NTN1: variants seen among roughly 807,000 people sequenced by gnomAD.
The protein encoded by NTN1 is netrin 1.
Under a neutral mutation model 54.2 loss-of-function variants are expected in NTN1, and 11 were observed. The ratio of observed to expected loss-of-function variants is 0.20; its 90% CI spans 0.13 to 0.34. NTN1 has a LOEUF of 0.34. Among genes scored for constraint, NTN1 ranks in the 10% least tolerant of loss-of-function variants. The pLI, the probability that NTN1 is intolerant of heterozygous loss-of-function variation, is 1.00. For synonymous variants in NTN1, 371 were observed against 382.0 expected (o/e 0.97, Z 0.33); for missense variants, 740 against 893.1 (o/e 0.83, Z 2.18).
intron 2 of NTN1, among the ~76,000 whole-genome samples, chr17:9,028,785 C>T (rs1459309660): frequency 2.6e-5 from 4 of 152,136 alleles, no homozygotes; most frequent in Admixed American, 2.0e-4. Context: ...CTTCAAATGT[C>T]CACTGGATTG....
chr17:9,049,962 G>A (rs985477516), intron 2 of NTN1, among the ~76,000 whole-genome samples: 8 of 152,086 alleles, frequency 5.3e-5, no homozygotes, highest in Non-Finnish European at 7.4e-5. Context: ...AATAATAAAT[G>A]TCGGCCAGGC....
In NTN1 at chr17:9,044,257, C is replaced by T. The variant is rs369167972; in HGVS notation, c.1018+20866C>T. Among the ~76,000 whole-genome samples the T allele has an allele frequency of 3.2e-4, 48 of 149,886 alleles. 1 individual carries two copies. The South Asian group carries it at 7.6e-3, about 24-fold the overall frequency. ...TACTTTTTTTTTTTCCTTTTTGGGG[C>T]GGAGTCTCACTCTGCGGCCCAGGCT... On this transcript the variant is annotated intron_variant, in intron 2 of 6. Transcript: ENST00000173229.
the NTN1 span, among the ~76,000 whole-genome samples, chr17:9,014,918 CACACA>C: frequency 6.6e-6 from 1 of 152,192 alleles, no homozygotes; most frequent in Non-Finnish European, 1.5e-5. Context: ...TATTTTAGTT[CACACA>C]CTGCTTCTCT....
At chr17:9,089,726 A>C (rs1030850246) in intron 2 of NTN1, among the ~76,000 whole-genome samples, 4 of 152,074 alleles carry the variant, frequency 2.6e-5, no homozygotes, top group Admixed American at 1.3e-4. Flanking sequence ...GCTCATCCCA[A>C]ACACCACGGC....
intron 2 of NTN1, among the ~76,000 whole-genome samples, chr17:9,156,198 G>A (rs1385749575): frequency 6.6e-6 from 1 of 151,834 alleles, no homozygotes; most frequent in Non-Finnish European, 1.5e-5. Context: ...GGCAGCCAAT[G>A]GCTGGGGCCT....
Position 9,069,283 on chromosome 17 carries a change from C to A in NTN1, c.1018+45892C>A, listed in dbSNP as rs2092025473. 2.6e-5 allele frequency among the ~76,000 whole-genome samples: 4 copies of A among 151,382 alleles called. No individual in the cohort carries two copies. In the South Asian group the frequency reaches 8.4e-4, roughly 32 times the overall value. On this transcript the variant is annotated intron_variant, in intron 2 of 6. Coordinates refer to ENST00000173229, the MANE Select transcript of NTN1 (RefSeq NM_004822.3). ...TAAAACATTTTAAAGGTCTATTCAA[C>A]TAGTTTATAGCTATGGGAATTAAAA... is the stretch of plus-strand genomic sequence containing the variant.
chr17:9,023,973 A>G (rs1317559535), intron 2 of NTN1, among the ~76,000 whole-genome samples: 1 of 152,272 alleles, frequency 6.6e-6, no homozygotes, highest in African/African-American at 2.4e-5. Flanking sequence ...TGTGTTAGCA[A>G]AAGAAGAATG....
chr17:9,093,724 A>C (rs1260952032), intron 2 of NTN1, among the ~76,000 whole-genome samples: 3 of 152,236 alleles, frequency 2.0e-5, no homozygotes, highest in Non-Finnish European at 4.4e-5. Flanking sequence ...CTGTAATCCC[A>C]GCACTTTGGG....
intron 3 of NTN1, among the ~76,000 whole-genome samples, chr17:9,163,296 C>T (rs1464476676): frequency 1.3e-5 from 2 of 151,982 alleles, no homozygotes; most frequent in African/African-American, 4.8e-5. Context: ...GGGCTGCGGC[C>T]GCCAACACCT....
chr17:9,214,465 G>T (rs1178525480), intron 5 of NTN1, among the ~76,000 whole-genome samples: 1 of 152,108 alleles, frequency 6.6e-6, no homozygotes. Context: ...TCCACTCTTG[G>T]TTCGTTTCTT....
At chr17:9,030,992 G>A (rs182288663) in intron 2 of NTN1, among the ~76,000 whole-genome samples, 39 of 152,256 alleles carry the variant, frequency 2.6e-4, no homozygotes, top group African/African-American at 9.4e-4. Flanking sequence ...TCATATTTTA[G>A]TTGGGAACCC....
intron 2 of NTN1, among the ~76,000 whole-genome samples, chr17:9,030,963 C>T (rs1376150723): frequency 5.3e-5 from 8 of 152,282 alleles, no homozygotes; most frequent in Non-Finnish European, 8.8e-5. Flanking sequence ...TGTAAGGTCT[C>T]AGCTCGCTGC....
intron 5 of NTN1, among the ~76,000 whole-genome samples, chr17:9,189,459 C>T (rs995425436): frequency 6.6e-6 from 1 of 152,226 alleles, no homozygotes; most frequent in African/African-American, 2.4e-5. Flanking sequence ...TCAAGCAATT[C>T]TCCTGCCTCA....
chr17:9,112,733 G>A (rs1443726158), intron 2 of NTN1, among the ~76,000 whole-genome samples: 1 of 150,624 alleles, frequency 6.6e-6, no homozygotes, highest in Non-Finnish European at 1.5e-5. Context: ...GCTGAGGCAG[G>A]AGAATGGTGT....
chr17:9,147,384 G>A (rs1404677916), intron 2 of NTN1, among the ~76,000 whole-genome samples: 3 of 152,124 alleles, frequency 2.0e-5, no homozygotes, highest in Non-Finnish European at 4.4e-5. Context: ...GCATAGTGGC[G>A]GGCACCTGTA....
intron 2 of NTN1, among the ~76,000 whole-genome samples, chr17:9,150,300 G>A (rs955748394): frequency 6.6e-6 from 1 of 152,246 alleles, no homozygotes; most frequent in African/African-American, 2.4e-5. Context: ...AGGCAAGAAA[G>A]TTTGCATCTC....
chr17:9,220,030 A>T (rs1905296741), intron 5 of NTN1, among the ~76,000 whole-genome samples: 1 of 152,212 alleles, frequency 6.6e-6, no homozygotes, highest in Admixed American at 6.5e-5. Context: ...TCCCCCAGGC[A>T]GTCTGGGAAT....
the NTN1 span, among the ~76,000 whole-genome samples, chr17:9,011,432 G>T: frequency 1.3e-5 from 2 of 152,146 alleles, no homozygotes; most frequent in Admixed American, 1.3e-4. Flanking sequence ...CCCTCTGCCT[G>T]TCTCTTGTAA....
chr17:9,093,177 G>C (rs2092118852), intron 2 of NTN1, among the ~76,000 whole-genome samples: 2 of 152,338 alleles, frequency 1.3e-5, no homozygotes, highest in East Asian at 3.9e-4. Flanking sequence ...ACAGGCGTGA[G>C]CCACCATACC....
Sources: gnomAD v4.1 joint callset for allele counts (sites outside exome capture counted in the v4.1 genomes callset) on GRCh38, gnomAD v4.1.1 for gene constraint, MANE v1.5 for transcripts, NCBI Gene and HGNC (gene_info 2026-07-23, HGNC 2026-07-21) for gene names.